The following SOX5 variants were observed in gnomAD, a reference collection of about 807,000 sequenced individuals.
SOX5 encodes the protein SRY-box transcription factor 5.
A neutral mutation model predicts 92.0 loss-of-function variants in SOX5; 9 were observed. The observed-to-expected ratio is 0.10, with a 90% CI of 0.06 to 0.17. The LOEUF (loss-of-function observed/expected upper bound fraction) is 0.17. Among genes scored for constraint, SOX5 ranks in the 10% least tolerant of loss-of-function variants. SOX5 has a pLI of 1.00. For missense variants in SOX5, 642 were observed against 944.5 expected (o/e 0.68, Z 4.20); for synonymous variants, 344 against 336.3 (o/e 1.02, Z -0.25).
intron 1 of SOX5, among the ~76,000 whole-genome samples, chr12:24,405,765 T>C (rs1389915104): frequency 3.3e-5 from 5 of 152,254 alleles, no homozygotes; most frequent in South Asian, 2.1e-4. Context: ...AATTTCAATG[T>C]AAATGACCAG....
At chr12:24,560,432 T>A (rs1005155921) in intron 1 of SOX5, among the ~76,000 whole-genome samples, 2 of 152,232 alleles carry the variant, frequency 1.3e-5, no homozygotes, top group South Asian at 4.1e-4. Context: ...GTTGATGGCA[T>A]AATTTGCAGG....
chr12:23,549,651 T>C (rs1043125866), intron 11 of SOX5, among the ~76,000 whole-genome samples: 1 of 151,918 alleles, frequency 6.6e-6, no homozygotes, highest in Non-Finnish European at 1.5e-5. Context: ...AACAAAGTAG[T>C]CAACATGTAA....
intron 6 of SOX5, among the ~76,000 whole-genome samples, chr12:23,712,833 C>T (rs185664108): frequency 9.5e-4 from 145 of 152,288 alleles, no homozygotes; most frequent in Non-Finnish European, 1.3e-3. Context: ...GAAAGCCATA[C>T]ACTCATCCTT....
chr12:24,522,872 C>T (rs971624060), intron 1 of SOX5, among the ~76,000 whole-genome samples: 3 of 152,000 alleles, frequency 2.0e-5, no homozygotes, highest in Non-Finnish European at 2.9e-5. Context: ...GATCCTCATT[C>T]TCACCACTTT....
At chr12:24,434,198 T>C (rs1390358659) in intron 1 of SOX5, among the ~76,000 whole-genome samples, 1 of 151,870 alleles carries the variant, frequency 6.6e-6, no homozygotes, top group African/African-American at 2.4e-5. Context: ...ACATCATGAG[T>C]GGCATCGTGA....
chr12:24,279,036 G>T (rs1944850725), intron 2 of SOX5, among the ~76,000 whole-genome samples: 1 of 151,996 alleles, frequency 6.6e-6, no homozygotes, highest in African/African-American at 2.4e-5. Context: ...TTACCCACAA[G>T]AGGGAGCTTG....
At chr12:23,869,464 A>G (rs2096850185) in intron 2 of SOX5, among the ~76,000 whole-genome samples, 1 of 152,082 alleles carries the variant, frequency 6.6e-6, no homozygotes, top group South Asian at 2.1e-4. Flanking sequence ...GTTTTTAGGA[A>G]GCCTTTCTTC....
chr12:24,052,215 A>G (rs1298420548), intron 4 of SOX5, among the ~76,000 whole-genome samples: 2 of 152,166 alleles, frequency 1.3e-5, no homozygotes, highest in East Asian at 1.9e-4. Context: ...TAGGAATCAA[A>G]CTTAAACAGG....
chr12:23,792,988 A>C (rs2095503341), intron 3 of SOX5, among the ~76,000 whole-genome samples: 1 of 152,176 alleles, frequency 6.6e-6, no homozygotes, highest in African/African-American at 2.4e-5. Flanking sequence ...AAGGTTTTCG[A>C]AATTTGGACT....
At chr12:23,825,267 A>G (rs1445071501) in intron 3 of SOX5, among the ~76,000 whole-genome samples, 2 of 152,166 alleles carry the variant, frequency 1.3e-5, no homozygotes, top group African/African-American at 4.8e-5. Flanking sequence ...AGACCATGGG[A>G]AAAGCATAGT....
chr12:23,609,180 G>A (rs919525937), intron 8 of SOX5, among the ~76,000 whole-genome samples: 1 of 152,158 alleles, frequency 6.6e-6, no homozygotes, highest in African/African-American at 2.4e-5. Flanking sequence ...GTGTGGAACA[G>A]TGAGTGGTAG....
At chr12:23,892,924 T>G (rs2097142699) in intron 2 of SOX5, among the ~76,000 whole-genome samples, 1 of 152,202 alleles carries the variant, frequency 6.6e-6, no homozygotes, top group African/African-American at 2.4e-5. Context: ...AAACTCTTGC[T>G]TTAGAGCCCA....
intron 2 of SOX5, among the ~76,000 whole-genome samples, chr12:23,856,435 G>A (rs2136283745): frequency 6.6e-6 from 1 of 152,198 alleles, no homozygotes; most frequent in South Asian, 2.1e-4. Context: ...TGTTGCAAAT[G>A]TTCTATGGGC....
intron 2 of SOX5, among the ~76,000 whole-genome samples, chr12:24,327,264 T>G (rs1239126139): frequency 3.3e-5 from 5 of 152,136 alleles, no homozygotes; most frequent in Non-Finnish European, 7.3e-5. Flanking sequence ...AACTTAAGAT[T>G]TATCTTGTAT....
intron 4 of SOX5, among the ~76,000 whole-genome samples, chr12:24,177,471 T>A (rs889316946): frequency 3.3e-5 from 5 of 152,214 alleles, no homozygotes; most frequent in Non-Finnish European, 5.9e-5. Flanking sequence ...CATAGGAGCC[T>A]GAGTGCCAGG....
chr12:23,584,730 AGT>A (rs34653390), intron 9 of SOX5: 193,787 of 576,488 alleles, frequency 0.34, 24,996 homozygotes, highest in Middle Eastern at 0.37. Context: ...GACAGGTGTG[AGT>A]GTGTGTGTGT....
rs576751182 is a variant in SOX5 at position 23,654,232 on chromosome 12, A to G, written c.931+11212T>C. Among the ~76,000 whole-genome samples, 4 of 152,208 alleles carry G rather than the reference A, an allele frequency of 2.6e-5. No homozygotes were observed. The East Asian group carries it at 7.7e-4, about 29-fold the overall frequency. ...ACCCAGAGAAGGTAGTTAAAGAATA[A>G]AATAATCTCTTTTAACATATTTTCA... is the stretch of plus-strand genomic sequence containing the variant. On this transcript the variant is annotated intron_variant, in intron 7 of 14. Transcript: ENST00000451604.
rs377174843 is a variant in SOX5 at position 24,321,055 on chromosome 12, T to C, written c.-173-43743A>G. Among the ~76,000 whole-genome samples, 24 of 152,282 alleles carry C rather than the reference T, an allele frequency of 1.6e-4. No homozygotes were observed. In the South Asian group the frequency reaches 1.9e-3, roughly 12 times the overall value. On this transcript the variant is annotated intron_variant, in intron 2 of 4. Transcript: ENST00000446891. Reference sequence around the variant, plus strand: ...CTTCTGTCAGTGTTGTGCTAAGGCATCCACATTTCCTTTCCCAGCCCTCTT... The same window carrying C: ...CTTCTGTCAGTGTTGTGCTAAGGCACCCACATTTCCTTTCCCAGCCCTCTT...
intron 1 of SOX5, among the ~76,000 whole-genome samples, chr12:23,905,556 A>C (rs1486521680): frequency 1.3e-5 from 2 of 152,212 alleles, no homozygotes; most frequent in Non-Finnish European, 2.9e-5. Context: ...TATGTGCCTA[A>C]AGCAACAGTA....
Sources: gnomAD v4.1 joint callset for allele counts (sites outside exome capture counted in the v4.1 genomes callset) on GRCh38, gnomAD v4.1.1 for gene constraint, MANE v1.5 for transcripts, NCBI Gene and HGNC (gene_info 2026-07-23, HGNC 2026-07-21) for gene names.